Variants in TAS2R1 observed in about 807,000 individuals in gnomAD.
TAS2R1 encodes taste receptor type 2 member 1.
For missense variants in TAS2R1, 370 were observed against 353.4 expected (o/e 1.05, Z -0.38); for synonymous variants, 141 against 134.2 (o/e 1.05, Z -0.35).
the TAS2R1 span, among the ~76,000 whole-genome samples, chr5:9,853,133 A>G: frequency 6.6e-6 from 1 of 152,238 alleles, no homozygotes; most frequent in Admixed American, 6.5e-5. Flanking sequence ...ATACACATGA[A>G]ACACATTAAT....
At chr5:9,765,025 T>C in the TAS2R1 span, among the ~76,000 whole-genome samples, 2 of 152,124 alleles carry the variant, frequency 1.3e-5, no homozygotes, top group African/African-American at 2.4e-5. Flanking sequence ...ATAAAATGTA[T>C]TTATAGTATG....
At chr5:9,705,502 G>A (rs535681014) in intron 1 of TAS2R1, among the ~76,000 whole-genome samples, 1 of 152,268 alleles carries the variant, frequency 6.6e-6, no homozygotes, top group South Asian at 2.1e-4. Flanking sequence ...CCTGAACCCA[G>A]GGGATTTTAG....
chr5:9,775,660 C>A, the TAS2R1 span, among the ~76,000 whole-genome samples: 1 of 151,742 alleles, frequency 6.6e-6, no homozygotes, highest in Admixed American at 6.6e-5. Flanking sequence ...GGTGATGAAT[C>A]CTGCCAGGAC....
At chr5:9,800,302 G>T in the TAS2R1 span, among the ~76,000 whole-genome samples, 3 of 152,144 alleles carry the variant, frequency 2.0e-5, no homozygotes, top group Non-Finnish European at 4.4e-5. Context: ...AATTTCATTT[G>T]GGTTCATATC....
chr5:9,632,925 G>A (rs1739895024), upstream of TAS2R1, among the ~76,000 whole-genome samples: 1 of 151,732 alleles, frequency 6.6e-6, no homozygotes, highest in African/African-American at 2.4e-5. Context: ...CTTCTTAGTG[G>A]TATCTAAAAT....
chr5:9,750,799 A>T, the TAS2R1 span, among the ~76,000 whole-genome samples: 1 of 152,156 alleles, frequency 6.6e-6, no homozygotes, highest in Non-Finnish European at 1.5e-5. Context: ...AGGTTAAAGA[A>T]GATTAACCAT....
chr5:9,696,426 G>T (rs948383120), intron 1 of TAS2R1, among the ~76,000 whole-genome samples: 4 of 152,010 alleles, frequency 2.6e-5, no homozygotes, highest in African/African-American at 9.7e-5. Flanking sequence ...GCCAGGCGTG[G>T]TGGCACGTGC....
rs186570671 is a variant in TAS2R1 at position 9,708,795 on chromosome 5, A to T, written c.-242+3377T>A. On this transcript the variant is annotated intron_variant, in intron 1 of 2. Transcript: ENST00000506620. The stretch of plus-strand genomic sequence containing the variant: ...CAACCTGTGCTGACTTAAACTCTCG[A>T]CATTTATTGCTATGTAACAAAAAGT... 2.9e-3 allele frequency among the ~76,000 whole-genome samples: 441 copies of T among 152,252 alleles called. 3 individuals carry two copies. The highest frequency in any genetic ancestry group is 5.5e-3 in the Non-Finnish European group (375 of 68,018).
chr5:9,645,223 C>T lies in TAS2R1; in HGVS notation c.-81+14198G>A, dbSNP rs546000862. Reference sequence around the variant, plus strand: ...TTGAAAGGCATAACATCAATTTGTCCTCTTGACAATTTTATGAAATCAGTA... The same window carrying T: ...TTGAAAGGCATAACATCAATTTGTCTTCTTGACAATTTTATGAAATCAGTA... On this transcript the variant is annotated intron_variant, in intron 2 of 2. Coordinates refer to the TAS2R1 transcript ENST00000506620. 2.0e-5 allele frequency among the ~76,000 whole-genome samples: 3 copies of T among 152,238 alleles called. No homozygotes were observed. In the South Asian group the frequency reaches 6.2e-4, roughly 32 times the overall value.
chr5:9,895,983 T>C, the TAS2R1 span, among the ~76,000 whole-genome samples: 1 of 152,240 alleles, frequency 6.6e-6, no homozygotes, highest in Non-Finnish European at 1.5e-5. Flanking sequence ...GTGAAAATAG[T>C]GGCCTCTAAA....
At chr5:9,849,980 CTTTCA>C in the TAS2R1 span, among the ~76,000 whole-genome samples, 1 of 152,330 alleles carries the variant, frequency 6.6e-6, no homozygotes, top group East Asian at 1.9e-4. Context: ...TCCATCTCCT[CTTTCA>C]TTTATCTCAC....
At chr5:9,763,491 G>A in the TAS2R1 span, among the ~76,000 whole-genome samples, 1 of 151,382 alleles carries the variant, frequency 6.6e-6, no homozygotes, top group Non-Finnish European at 1.5e-5. Flanking sequence ...GTGACAGAGC[G>A]AGACTCCATC....
the TAS2R1 span, among the ~76,000 whole-genome samples, chr5:9,785,781 G>A: frequency 6.6e-6 from 1 of 152,058 alleles, no homozygotes; most frequent in Non-Finnish European, 1.5e-5. Flanking sequence ...CAGCGTAGTG[G>A]GCAGACTGAG....
At chr5:9,754,939 A>T in the TAS2R1 span, among the ~76,000 whole-genome samples, 8 of 152,378 alleles carry the variant, frequency 5.3e-5, no homozygotes, top group East Asian at 1.5e-3. Context: ...TTGCCAAGTC[A>T]ATCCTAAGCC....
the TAS2R1 span, among the ~76,000 whole-genome samples, chr5:9,799,718 C>T: frequency 6.6e-6 from 1 of 152,166 alleles, no homozygotes; most frequent in Admixed American, 6.5e-5. Flanking sequence ...CATCTCCTGG[C>T]ATCTTTTACT....
At chr5:9,798,161 C>T in the TAS2R1 span, among the ~76,000 whole-genome samples, 9 of 152,258 alleles carry the variant, frequency 5.9e-5, no homozygotes, top group African/African-American at 2.2e-4. Context: ...TTAATATGAA[C>T]GATCTTTTCT....
chr5:9,807,844 A>T, the TAS2R1 span, among the ~76,000 whole-genome samples: 2 of 152,278 alleles, frequency 1.3e-5, no homozygotes, highest in Admixed American at 6.5e-5. Flanking sequence ...ACACAACCTG[A>T]TCCCTAAAAA....
chr5:9,858,790 G>A, the TAS2R1 span, among the ~76,000 whole-genome samples: 2 of 152,222 alleles, frequency 1.3e-5, no homozygotes, highest in African/African-American at 4.8e-5. Context: ...TTAAACAACA[G>A]CTTGTATAGA....
rs1463162705 is a variant in TAS2R1, at chr5:9,629,331, C to T, written c.702G>A (p.Leu234=). 1 of 1,613,452 alleles carries T rather than the reference C, an allele frequency of 6.2e-7. No homozygotes were observed. The highest frequency in any genetic ancestry group is 1.7e-5 in the Admixed American group (1 of 59,866). ...ISALLSILSF[L]ILYFSHCMIK... ...TCATGCAGTGGGAGAAGTAGAGGAT[C>T]AGGAAGGACAGGATAGACAGCAACG... The change falls in exon 1 of 1, where the codon CTG becomes CTA. Residue 234 remains leucine, a synonymous_variant. Coordinates refer to ENST00000382492, the MANE Select transcript of TAS2R1 (RefSeq NM_019599.3).
Sources: gnomAD v4.1 joint callset for allele counts (sites outside exome capture counted in the v4.1 genomes callset) on GRCh38, gnomAD v4.1.1 for gene constraint, MANE v1.5 for transcripts, NCBI Gene and HGNC (gene_info 2026-07-23, HGNC 2026-07-21) for gene names.